CCDC18: variants seen among roughly 807,000 people sequenced by gnomAD.
CCDC18 encodes coiled-coil domain containing 18.
In CCDC18, 157 loss-of-function variants were observed where a neutral mutation model predicts 196.0. The ratio of observed to expected loss-of-function variants is 0.80; its 90% confidence interval spans 0.70 to 0.91. The LOEUF is 0.91. CCDC18 is among the 40% of genes least tolerant of loss of function. The probability of loss-of-function intolerance (pLI) is 0.00; values close to 1 mark genes in which losing one functional copy is unlikely to be tolerated. For missense variants in CCDC18, 1,465 were observed against 1,611.6 expected, an observed-to-expected ratio of 0.91 and a Z score of 1.56; for synonymous variants, 482 against 529.2, an observed-to-expected ratio of 0.91 and a Z score of 1.22.
chr1:93,264,670 T>C, intron 26 of CCDC18, 31 bp from the exon 27 acceptor site: 1 of 1,364,534 alleles, frequency 7.3e-7, no homozygotes, highest in South Asian at 1.3e-5. Context: ...TTTTTTTATT[T>C]TTTTTCTTTT....
chr1:93,236,472 G>A, intron 19 of CCDC18, 82 bp downstream of exon 19: 2 of 1,351,124 alleles, frequency 1.5e-6, no homozygotes, highest in Non-Finnish European at 2.0e-6. Flanking sequence ...ATGTTCAGTG[G>A]AGCATTTGCT....
At chr1:93,216,852 T>TAAA in intron 13 of CCDC18, 106 bp downstream of exon 13, 1 of 583,736 alleles carries the variant, frequency 1.7e-6, no homozygotes, top group Non-Finnish European at 3.0e-6. Context: ...TAGGAAAGTA[T>TAAA]AAATTCTACT....
intron 27 of CCDC18, among the ~76,000 whole-genome samples, chr1:93,265,644 AGCCACTT>A (rs1049078031): frequency 7.9e-5 from 12 of 152,310 alleles, no homozygotes; most frequent in African/African-American, 2.6e-4. Context: ...TTGGCACTCT[AGCCACTT>A]TAAACCAACA....
intron 21 of CCDC18, among the ~76,000 whole-genome samples, chr1:93,243,008 G>C (rs1265968780): frequency 6.6e-6 from 1 of 152,190 alleles, no homozygotes; most frequent in Non-Finnish European, 1.5e-5. Context: ...CATGGTGCAA[G>C]CTGTCAGTGC....
intron 28 of CCDC18, chr1:93,273,488 A>T (rs562471925): frequency 6.6e-6 from 1 of 152,352 alleles, no homozygotes; most frequent in African/African-American, 2.4e-5. Flanking sequence ...GAGAGTAGGA[A>T]AGCATAAACA....
intron 26 of CCDC18, among the ~76,000 whole-genome samples, chr1:93,263,303 C>A (rs568173489): frequency 6.6e-6 from 1 of 152,178 alleles, no homozygotes; most frequent in African/African-American, 2.4e-5. Context: ...TTCTTTTCTA[C>A]CACATGGCCA....
At chr1:93,222,756 T>G (rs959736555) in intron 16 of CCDC18, among the ~76,000 whole-genome samples, 1 of 152,214 alleles carries the variant, frequency 6.6e-6, no homozygotes, top group Non-Finnish European at 1.5e-5. Context: ...TATAAAGTGC[T>G]TAGCACATAC....
intron 18 of CCDC18, among the ~76,000 whole-genome samples, chr1:93,234,973 G>GTGTGTGTGT (rs1557668666): frequency 2.4e-4 from 35 of 146,246 alleles, no homozygotes; most frequent in African/African-American, 2.8e-4. Flanking sequence ...GTGTGTGTGT[G>GTGTGTGTGT]GCTTTTCTTT....
At chr1:93,222,057 A>T in intron 16 of CCDC18, 121 bp downstream of exon 16, 23 of 609,580 alleles carry the variant, frequency 3.8e-5, no homozygotes, top group Non-Finnish European at 2.8e-6. Context: ...GCAACCTTGA[A>T]CTCCTGAGCT....
chr1:93,264,562 T>A (rs895154812), intron 26 of CCDC18, 139 bp from the exon 27 acceptor site: 1 of 550,774 alleles, frequency 1.8e-6, no homozygotes, highest in Non-Finnish European at 3.2e-6. Flanking sequence ...CATTGAGAAA[T>A]CAGATGTTTG....
chr1:93,277,019 A>T (rs1195174535), intron 28 of CCDC18, among the ~76,000 whole-genome samples: 2 of 123,582 alleles, frequency 1.6e-5, no homozygotes, highest in Non-Finnish European at 3.3e-5. Flanking sequence ...AATTGTGGGG[A>T]GAGGGTCAGC....
At chr1:93,187,934 T>C (rs541377652) in intron 4 of CCDC18, among the ~76,000 whole-genome samples, 2 of 152,314 alleles carry the variant, frequency 1.3e-5, no homozygotes, top group South Asian at 4.1e-4. Context: ...TCATTTTTTC[T>C]GCTTATTTTT....
intron 13 of CCDC18, 99 bp downstream of exon 13, chr1:93,216,845 G>C (rs1333100653): frequency 1.7e-6 from 1 of 603,658 alleles, no homozygotes; most frequent in Admixed American, 3.8e-5. Context: ...AAATATATAG[G>C]AAAGTATAAA....
At chr1:93,189,727 A>G (rs1052589259) in intron 4 of CCDC18, among the ~76,000 whole-genome samples, 1 of 152,224 alleles carries the variant, frequency 6.6e-6, no homozygotes, top group East Asian at 1.9e-4. Flanking sequence ...CAATGGTGCA[A>G]TCACAGCTCA....
chr1:93,239,101 T>A (rs1028862603), intron 19 of CCDC18, among the ~76,000 whole-genome samples: 1 of 152,126 alleles, frequency 6.6e-6, no homozygotes, highest in Admixed American at 6.5e-5. Context: ...TATTACCAGG[T>A]AGTAGTAGTA....
At chr1:93,255,967 A>G (rs1662904492) in intron 24 of CCDC18, among the ~76,000 whole-genome samples, 2 of 152,224 alleles carry the variant, frequency 1.3e-5, no homozygotes, top group African/African-American at 4.8e-5. Flanking sequence ...AATTATCTAT[A>G]CCAATATATT....
At chr1:93,211,905 C>T (rs1036498539) in intron 10 of CCDC18, among the ~76,000 whole-genome samples, 196 bp from the exon 11 acceptor site, 21 of 152,040 alleles carry the variant, frequency 1.4e-4, no homozygotes, top group East Asian at 5.8e-4. Context: ...TTACTAAATA[C>T]CATCAAGTTT....
chr1:93,213,118 T>C (rs1228303914), intron 11 of CCDC18, among the ~76,000 whole-genome samples: 1 of 152,092 alleles, frequency 6.6e-6, no homozygotes, highest in Non-Finnish European at 1.5e-5. Context: ...ATGCGAGCGA[T>C]TGGGAGTGGG....
intron 17 of CCDC18, among the ~76,000 whole-genome samples, chr1:93,229,928 G>A (rs1314991172): frequency 3.9e-5 from 6 of 151,984 alleles, no homozygotes; most frequent in East Asian, 3.9e-4. Context: ...AAAATCAGTC[G>A]TTTCATTGAT....
Sources: gnomAD v4.1 joint callset for allele counts (sites outside exome capture counted in the v4.1 genomes callset) on GRCh38, gnomAD v4.1.1 for gene constraint, MANE v1.5 for transcripts, NCBI Gene and HGNC (gene_info 2026-07-23, HGNC 2026-07-21) for gene names.